The following ROBO1 variants were observed in gnomAD, a reference collection of about 807,000 sequenced individuals.
ROBO1 encodes the protein roundabout guidance receptor 1.
In ROBO1, 149 loss-of-function variants were observed where a neutral mutation model predicts 195.9. The ratio of observed to expected loss-of-function variants is 0.76; its 90% CI spans 0.67 to 0.87. ROBO1 has a LOEUF of 0.87. ROBO1 is among the 40% of genes least tolerant of loss of function. The probability of loss-of-function intolerance (pLI) is 0.00; values close to 1 mark genes in which losing one functional copy is unlikely to be tolerated. For missense variants in ROBO1, 1,933 were observed against 2,068.3 expected (o/e 0.93, Z 1.27); for synonymous variants, 816 against 733.2 (o/e 1.11, Z -1.82).
intron 1 of ROBO1, among the ~76,000 whole-genome samples, chr3:79,696,530 G>A (rs188975327): frequency 6.6e-6 from 1 of 150,454 alleles, no homozygotes; most frequent in East Asian, 2.0e-4. Context: ...AGACATCCAT[G>A]GCAATGAATC....
chr3:79,545,820 G>A (rs1206273604), intron 2 of ROBO1, among the ~76,000 whole-genome samples: 1 of 152,144 alleles, frequency 6.6e-6, no homozygotes, highest in African/African-American at 2.4e-5. Flanking sequence ...TGGTAATAAA[G>A]TCTAAATAAT....
chr3:79,488,804 T>C (rs906763319), intron 2 of ROBO1, among the ~76,000 whole-genome samples: 18 of 152,174 alleles, frequency 1.2e-4, no homozygotes, highest in Admixed American at 7.2e-4. Flanking sequence ...GGACAAAATG[T>C]ATTTCTTAGT....
intron 3 of ROBO1, among the ~76,000 whole-genome samples, chr3:79,093,217 T>C (rs1457208572): frequency 1.3e-5 from 2 of 152,130 alleles, no homozygotes; most frequent in African/African-American, 4.8e-5. Context: ...ATGACAAGTT[T>C]CATTGTAAGA....
intron 3 of ROBO1, among the ~76,000 whole-genome samples, chr3:79,102,705 T>C (rs2079700505): frequency 2.6e-5 from 4 of 151,848 alleles, no homozygotes; most frequent in Admixed American, 1.3e-4. Flanking sequence ...AGAACTTGAC[T>C]ATGCTTGGGA....
intron 3 of ROBO1, among the ~76,000 whole-genome samples, chr3:79,120,084 T>C (rs2080087851): frequency 6.6e-6 from 1 of 152,170 alleles, no homozygotes; most frequent in Non-Finnish European, 1.5e-5. Flanking sequence ...GATTCATGGT[T>C]TTGATCTTAA....
intron 2 of ROBO1, among the ~76,000 whole-genome samples, chr3:79,460,779 G>T (rs1015831045): frequency 1.3e-5 from 2 of 151,266 alleles, no homozygotes; most frequent in Non-Finnish European, 1.5e-5. Context: ...ACGGAGTCTC[G>T]CTCTGTCGCC....
At chr3:78,998,626 C>A (rs2077423550) in intron 3 of ROBO1, among the ~76,000 whole-genome samples, 1 of 152,094 alleles carries the variant, frequency 6.6e-6, no homozygotes, top group Non-Finnish European at 1.5e-5. Context: ...TTAGTCTAGT[C>A]TCCTGATTGA....
intron 1 of ROBO1, among the ~76,000 whole-genome samples, chr3:79,707,705 C>G (rs1000938232): frequency 1.3e-5 from 2 of 151,910 alleles, no homozygotes; most frequent in Admixed American, 1.3e-4. Context: ...AGATGGGGTT[C>G]CACCATGTTA....
intron 2 of ROBO1, among the ~76,000 whole-genome samples, chr3:79,471,748 T>C (rs1199543250): frequency 1.3e-5 from 2 of 152,158 alleles, no homozygotes; most frequent in African/African-American, 2.4e-5. Context: ...TGGAATACTA[T>C]GCAGCCATAA....
chr3:79,218,439 A>C (rs2082087372), intron 2 of ROBO1, among the ~76,000 whole-genome samples: 1 of 151,960 alleles, frequency 6.6e-6, no homozygotes, highest in African/African-American at 2.4e-5. Context: ...TAGTGTTTGA[A>C]ACTGGTACTA....
chr3:79,477,404 A>T (rs1313004355), intron 2 of ROBO1, among the ~76,000 whole-genome samples: 2 of 152,156 alleles, frequency 1.3e-5, no homozygotes, highest in African/African-American at 4.8e-5. Flanking sequence ...AAATCTCTCA[A>T]GTTTGAATAG....
chr3:79,634,275 T>A (rs764389824), intron 1 of ROBO1, among the ~76,000 whole-genome samples: 8 of 152,130 alleles, frequency 5.3e-5, no homozygotes, highest in Non-Finnish European at 1.0e-4. Flanking sequence ...GGGAATTTGG[T>A]TGTCAACGGT....
intron 2 of ROBO1, among the ~76,000 whole-genome samples, chr3:79,393,359 C>T (rs2037025134): frequency 6.6e-6 from 1 of 152,198 alleles, no homozygotes. Context: ...CCAAACTCTT[C>T]ACCACTGTAT....
chr3:79,701,827 TG>T, intron 1 of ROBO1, among the ~76,000 whole-genome samples: 2 of 135,686 alleles, frequency 1.5e-5, no homozygotes, highest in South Asian at 4.4e-4. Flanking sequence ...TGATTATATT[TG>T]AAATGATAAT....
chr3:78,853,068 T>C (rs1472557069), intron 4 of ROBO1, among the ~76,000 whole-genome samples: 1 of 152,264 alleles, frequency 6.6e-6, no homozygotes, highest in South Asian at 2.1e-4. Flanking sequence ...CATTTGCTTT[T>C]TGAGGTGACT....
intron 1 of ROBO1, among the ~76,000 whole-genome samples, chr3:79,676,814 C>T (rs2106940865): frequency 6.6e-6 from 1 of 152,072 alleles, no homozygotes; most frequent in East Asian, 2.0e-4. Flanking sequence ...CCCATAAACA[C>T]CAAGGGATGA....
chr3:79,101,766 A>C (rs1171414517), intron 3 of ROBO1, among the ~76,000 whole-genome samples: 1 of 151,950 alleles, frequency 6.6e-6, no homozygotes, highest in Non-Finnish European at 1.5e-5. Context: ...AATACAAAAA[A>C]TATTTAAAGA....
At chr3:78,945,941 A>C (rs1320847114) in intron 3 of ROBO1, among the ~76,000 whole-genome samples, 1 of 152,056 alleles carries the variant, frequency 6.6e-6, no homozygotes, top group East Asian at 1.9e-4. Flanking sequence ...GAAATGAATG[A>C]AATGAAGCGA....
intron 3 of ROBO1, among the ~76,000 whole-genome samples, chr3:79,105,349 A>C (rs1313006363): frequency 6.6e-6 from 1 of 151,722 alleles, no homozygotes; most frequent in Non-Finnish European, 1.5e-5. Context: ...AGATCATTGC[A>C]TTCAAAGGGA....
Sources: allele counts gnomAD v4.1 joint callset (sites outside exome capture counted in the v4.1 genomes callset), GRCh38; gene constraint gnomAD v4.1.1; transcripts MANE v1.5; gene names NCBI Gene and HGNC (gene_info 2026-07-23, HGNC 2026-07-21).